CNTNAP2: variants seen among roughly 807,000 people sequenced by gnomAD.
CNTNAP2 encodes the protein contactin associated protein 2, also known as contactin-associated protein-like 2.
Under a neutral mutation model 155.2 loss-of-function variants are expected in CNTNAP2, and 98 were observed. That is an observed-to-expected ratio of 0.63 (90% CI 0.54 to 0.75). The LOEUF (loss-of-function observed/expected upper bound fraction) is 0.75, where lower values mean the gene tolerates loss of function less well. CNTNAP2 is among the 30% of genes least tolerant of loss of function. The probability of loss-of-function intolerance (pLI) is 0.00; values close to 1 mark genes in which losing one functional copy is unlikely to be tolerated. For synonymous variants in CNTNAP2, 651 were observed against 631.2 expected (o/e 1.03, Z -0.47); for missense variants, 1,727 against 1,688.1 (o/e 1.02, Z -0.40).
At chr7:147,896,502 A>T (rs892593994) in intron 13 of CNTNAP2, among the ~76,000 whole-genome samples, 2 of 152,144 alleles carry the variant, frequency 1.3e-5, no homozygotes, top group Non-Finnish European at 2.9e-5. Context: ...GTTTTTAAGG[A>T]CAACTTGGCG....
chr7:147,984,340 T>C (rs970719213), intron 15 of CNTNAP2, among the ~76,000 whole-genome samples: 2 of 152,260 alleles, frequency 1.3e-5, no homozygotes, highest in Non-Finnish European at 2.9e-5. Context: ...CAGCAGGTCT[T>C]AGCCTTATTT....
chr7:146,888,300 C>T (rs944229889), intron 3 of CNTNAP2, among the ~76,000 whole-genome samples: 2 of 151,890 alleles, frequency 1.3e-5, no homozygotes, highest in Admixed American at 6.6e-5. Flanking sequence ...AATTTTATAA[C>T]GTTTCTATTT....
intron 1 of CNTNAP2, among the ~76,000 whole-genome samples, chr7:146,465,134 C>T (rs978891515): frequency 6.7e-6 from 1 of 149,746 alleles, no homozygotes; most frequent in South Asian, 2.1e-4. Flanking sequence ...CACACACACA[C>T]CACACACACA....
chr7:146,701,342 G>A (rs973777696), intron 1 of CNTNAP2, among the ~76,000 whole-genome samples: 1 of 152,068 alleles, frequency 6.6e-6, no homozygotes, highest in Admixed American at 6.6e-5. Context: ...TGTGCAACAC[G>A]GTGGATAGTA....
intron 3 of CNTNAP2, among the ~76,000 whole-genome samples, chr7:146,919,710 G>A (rs1796460680): frequency 1.3e-5 from 2 of 152,308 alleles, no homozygotes; most frequent in Admixed American, 6.5e-5. Flanking sequence ...AGCTAAGGCA[G>A]TATAAGGAGG....
intron 16 of CNTNAP2, among the ~76,000 whole-genome samples, chr7:148,123,457 T>G (rs929851623): frequency 6.6e-6 from 1 of 152,022 alleles, no homozygotes; most frequent in African/African-American, 2.4e-5. Context: ...CCAGGCATGG[T>G]TGGCTGCACC....
At chr7:147,882,760 A>G (rs985359817) in intron 13 of CNTNAP2, among the ~76,000 whole-genome samples, 8 of 145,064 alleles carry the variant, frequency 5.5e-5, no homozygotes, top group Admixed American at 2.1e-4. Flanking sequence ...CCCTAAACCT[A>G]AAGAAGACAG....
chr7:147,972,694 A>C (rs767430181), intron 14 of CNTNAP2, among the ~76,000 whole-genome samples: 1 of 152,336 alleles, frequency 6.6e-6, no homozygotes, highest in Non-Finnish European at 1.5e-5. Context: ...AATTTTTCCA[A>C]TGTACAAGCC....
At chr7:146,394,479 T>A (rs1017659447) in intron 1 of CNTNAP2, among the ~76,000 whole-genome samples, 2 of 145,598 alleles carry the variant, frequency 1.4e-5, no homozygotes, top group Admixed American at 1.5e-4. Context: ...TTTTGGAGAC[T>A]GTGAAATTTG....
At chr7:146,607,876 T>C (rs575273942) in intron 1 of CNTNAP2, among the ~76,000 whole-genome samples, 141 of 152,290 alleles carry the variant, frequency 9.3e-4, no homozygotes, top group Admixed American at 2.2e-3. Context: ...CAAAATCTTC[T>C]GAATTTACAT....
In CNTNAP2 at chr7:148,094,204, T is replaced by C. The variant is rs1471917317; in HGVS notation, c.2384-23914T>C. ...TACTTAATTTCTCTATAAGCCTCAA[T>C]GGCTTCATCTGCAAAGGAGAATAAT... On this transcript the variant is annotated intron_variant, in intron 15 of 23. Coordinates refer to ENST00000361727, the MANE Select transcript of CNTNAP2 (RefSeq NM_014141.6). Among the ~76,000 whole-genome samples the C allele has an allele frequency of 2.6e-5, 4 of 152,326 alleles. No individual in the cohort carries two copies. In the South Asian group the frequency reaches 6.2e-4, roughly 24 times the overall value.
chr7:148,174,426 C>CA (rs1554400558), intron 18 of CNTNAP2, among the ~76,000 whole-genome samples: 22 of 152,136 alleles, frequency 1.4e-4, no homozygotes, highest in Admixed American at 5.9e-4. Context: ...GACCGCCCCC[C>CA]ACCTCAGGCT....
intron 22 of CNTNAP2, among the ~76,000 whole-genome samples, chr7:148,385,520 A>G (rs560300810): frequency 5.9e-5 from 9 of 152,158 alleles, no homozygotes; most frequent in Non-Finnish European, 1.0e-4. Flanking sequence ...TCCGCTGTCA[A>G]AGGGACCCAC....
chr7:147,771,596 A>C (rs1190204280), intron 13 of CNTNAP2, among the ~76,000 whole-genome samples: 1 of 152,150 alleles, frequency 6.6e-6, no homozygotes, highest in Non-Finnish European at 1.5e-5. Flanking sequence ...GGCATTGTAC[A>C]TAGTTGAAAT....
At chr7:146,278,017 C>G (rs531672403) in intron 1 of CNTNAP2, among the ~76,000 whole-genome samples, 11 of 152,226 alleles carry the variant, frequency 7.2e-5, no homozygotes, top group Admixed American at 3.9e-4. Context: ...GCTATGGGCA[C>G]GTGAGGGAGA....
chr7:148,285,179 C>T (rs1242506761), intron 21 of CNTNAP2, among the ~76,000 whole-genome samples: 1 of 152,182 alleles, frequency 6.6e-6, no homozygotes, highest in Non-Finnish European at 1.5e-5. Flanking sequence ...GCTCTGTGCT[C>T]TGGTGATAAG....
chr7:147,094,495 G>T (rs889066809), intron 4 of CNTNAP2, among the ~76,000 whole-genome samples: 1 of 149,722 alleles, frequency 6.7e-6, no homozygotes, highest in African/African-American at 2.5e-5. Flanking sequence ...TCCGCCTCCT[G>T]GGTTCACGCC....
chr7:147,865,486 A>G (rs1163309014), intron 13 of CNTNAP2, among the ~76,000 whole-genome samples: 1 of 152,194 alleles, frequency 6.6e-6, no homozygotes, highest in Non-Finnish European at 1.5e-5. Context: ...TGATTGGAAT[A>G]GTTTCAGAAG....
At chr7:146,712,368 T>TACATATCTTATGTATACTATATAGTAG (rs1801108793) in intron 1 of CNTNAP2, among the ~76,000 whole-genome samples, 2 of 141,724 alleles carry the variant, frequency 1.4e-5, no homozygotes, top group African/African-American at 5.5e-5. Flanking sequence ...CTATATAGTA[T>TACATATCTTATGTATACTATATAGTAG]ACATATCTTA....
Sources: allele counts gnomAD v4.1 joint callset (sites outside exome capture counted in the v4.1 genomes callset), GRCh38; gene constraint gnomAD v4.1.1; transcripts MANE v1.5; gene names NCBI Gene and HGNC (gene_info 2026-07-23, HGNC 2026-07-21).